The following KCNH1 variants were observed in gnomAD, a reference collection of about 807,000 sequenced individuals.
KCNH1 encodes potassium voltage-gated channel subfamily H member 1.
KCNH1 carries 27 observed loss-of-function variants against 69.2 expected under a neutral mutation model. The observed-to-expected ratio is 0.39, with a 90% CI of 0.29 to 0.54. KCNH1 has a LOEUF of 0.54. Ranked by LOEUF, KCNH1 falls within the 20% of genes least tolerant of loss-of-function variation. The pLI, the probability that KCNH1 is intolerant of heterozygous loss-of-function variation, is 0.68. For missense variants in KCNH1, 798 were observed against 1,261.6 expected (o/e 0.63, Z 5.57); for synonymous variants, 456 against 487.7 (o/e 0.93, Z 0.86).
At chr1:210,989,149 CA>C (rs938455945) in intron 6 of KCNH1, among the ~76,000 whole-genome samples, 2 of 152,164 alleles carry the variant, frequency 1.3e-5, no homozygotes, top group African/African-American at 2.4e-5. Context: ...CCACAAGTGG[CA>C]AAAGAAAGTG....
intron 6 of KCNH1, among the ~76,000 whole-genome samples, chr1:210,936,815 C>T (rs982968966): frequency 6.6e-6 from 1 of 151,826 alleles, no homozygotes; most frequent in African/African-American, 2.4e-5. Flanking sequence ...CACATCATCA[C>T]TGGAAACCAC....
At chr1:210,837,617 T>C (rs1041721263) in intron 7 of KCNH1, among the ~76,000 whole-genome samples, 3 of 152,184 alleles carry the variant, frequency 2.0e-5, no homozygotes, top group Non-Finnish European at 4.4e-5. Flanking sequence ...TCAGGATTCT[T>C]ACATGACAAC....
chr1:210,831,146 G>A (rs757650643), intron 7 of KCNH1, among the ~76,000 whole-genome samples: 15 of 152,152 alleles, frequency 9.9e-5, no homozygotes, highest in Non-Finnish European at 1.9e-4. Context: ...AAACATATAG[G>A]CCAATTACTT....
intron 7 of KCNH1, among the ~76,000 whole-genome samples, chr1:210,849,385 G>C (rs1427277367): frequency 1.1e-5 from 1 of 88,262 alleles, no homozygotes; most frequent in Non-Finnish European, 2.4e-5. Context: ...TTTTTTTTGA[G>C]ACGGAGTTTT....
Position 211,133,737 on chromosome 1 carries a change from T to G in KCNH1, c.79+130A>C. 1.3e-6 allele frequency: 1 copy of G among 759,704 alleles called. No individual in the cohort carries two copies. Among genetic ancestry groups the G allele is most frequent in the Non-Finnish European group, 2.2e-6 (1 of 459,594 alleles). 47.1% of individuals were successfully genotyped at this position (759,704 alleles called of 1,614,324 possible). ...TCTGCCTCGGGGAGGCTGCCCTGGG[T>G]GCCCGCGCCGCGGCTCCTTAGCAGA... On this transcript the variant is annotated intron_variant, in intron 1 of 10. Coordinates refer to ENST00000271751, the MANE Select transcript of KCNH1 (RefSeq NM_172362.3). This position sits in a 1 kb window ranked among gnomAD's most constrained non-coding sequence, Gnocchi z 5.4.
chr1:211,033,756 G>C (rs1039507574), intron 5 of KCNH1, among the ~76,000 whole-genome samples: 12 of 151,946 alleles, frequency 7.9e-5, no homozygotes, highest in African/African-American at 2.9e-4. Flanking sequence ...ACACACCGGG[G>C]CCTGTTGTGG....
intron 6 of KCNH1, among the ~76,000 whole-genome samples, chr1:210,954,830 A>C (rs1285015077): frequency 1.3e-4 from 20 of 151,922 alleles, no homozygotes. Context: ...GATTGCAAAA[A>C]TTTTCTCCCA....
chr1:211,108,404 G>A (rs1558607775), intron 1 of KCNH1: 1 of 151,684 alleles, frequency 6.6e-6, no homozygotes, highest in African/African-American at 2.4e-5. Context: ...GTGTGTGTGT[G>A]TGTGTGTATA....
intron 10 of KCNH1, among the ~76,000 whole-genome samples, chr1:210,773,506 G>A (rs1683793220): frequency 6.6e-6 from 1 of 152,196 alleles, no homozygotes; most frequent in Admixed American, 6.5e-5. Flanking sequence ...TAAAACAGGT[G>A]GAGGAATATT....
intron 10 of KCNH1, among the ~76,000 whole-genome samples, chr1:210,706,251 A>G (rs1478891435): frequency 6.6e-6 from 1 of 152,164 alleles, no homozygotes; most frequent in Non-Finnish European, 1.5e-5. Context: ...TGAAATTTAG[A>G]CACCAGCTCT....
intron 5 of KCNH1, among the ~76,000 whole-genome samples, chr1:211,042,599 T>C (rs1406546009): frequency 6.6e-6 from 1 of 152,172 alleles, no homozygotes; most frequent in Non-Finnish European, 1.5e-5. Flanking sequence ...GTATTTAAAC[T>C]ATACCCCGGA....
At chr1:211,004,472 A>G (rs891975199) in intron 6 of KCNH1, among the ~76,000 whole-genome samples, 1 of 152,200 alleles carries the variant, frequency 6.6e-6, no homozygotes, top group Non-Finnish European at 1.5e-5. Flanking sequence ...ACTAATTTAC[A>G]ATAGAATTGT....
At chr1:211,088,021 C>A (rs1484400012) in intron 4 of KCNH1, among the ~76,000 whole-genome samples, 2 of 152,146 alleles carry the variant, frequency 1.3e-5, no homozygotes, top group African/African-American at 2.4e-5. Context: ...TGGCTTCTTG[C>A]ACACTATCAG....
At chr1:211,061,812 A>G (rs1273275537) in intron 5 of KCNH1, among the ~76,000 whole-genome samples, 3 of 152,176 alleles carry the variant, frequency 2.0e-5, no homozygotes, top group African/African-American at 7.2e-5. Context: ...AAGAAATAGA[A>G]GAGGACACAC....
intron 3 of KCNH1, among the ~76,000 whole-genome samples, chr1:211,094,553 A>T (rs1014343847): frequency 1.3e-5 from 2 of 152,296 alleles, no homozygotes; most frequent in South Asian, 4.1e-4. Context: ...AAGAGACCTG[A>T]TCTACTTTCT....
chr1:210,768,534 G>A (rs977801502), intron 10 of KCNH1, among the ~76,000 whole-genome samples: 3 of 151,968 alleles, frequency 2.0e-5, no homozygotes, highest in African/African-American at 7.3e-5. Context: ...CCACACGTGA[G>A]GCAACATGCC....
At chr1:210,848,374 T>C (rs1158115579) in intron 7 of KCNH1, among the ~76,000 whole-genome samples, 4 of 152,212 alleles carry the variant, frequency 2.6e-5, no homozygotes, top group African/African-American at 9.7e-5. Flanking sequence ...ACCCTTGTCT[T>C]TATAAATTCT....
intron 7 of KCNH1, among the ~76,000 whole-genome samples, chr1:210,909,123 T>G (rs74156854): frequency 7.5e-4 from 115 of 152,346 alleles, no homozygotes; most frequent in African/African-American, 2.7e-3. Context: ...AAACATTTGT[T>G]AGTCTGCAAA....
intron 8 of KCNH1, among the ~76,000 whole-genome samples, chr1:210,802,505 T>C (rs946868358): frequency 1.1e-4 from 17 of 152,292 alleles, no homozygotes; most frequent in Non-Finnish European, 2.2e-4. Context: ...ATGAATCTCA[T>C]TGAGAATAGA....
Sources: allele counts gnomAD v4.1 joint callset (sites outside exome capture counted in the v4.1 genomes callset), GRCh38; gene constraint gnomAD v4.1.1; non-coding constraint Gnocchi (gnomAD v3.1); transcripts MANE v1.5; gene names NCBI Gene and HGNC (gene_info 2026-07-23, HGNC 2026-07-21).